The following RAB7A variants were observed in gnomAD, a reference collection of about 807,000 sequenced individuals.
The protein encoded by RAB7A is ras-related protein Rab-7a.
In RAB7A, 2 loss-of-function variants were observed where a neutral mutation model predicts 24.5. The observed-to-expected ratio is 0.08, with a 90% CI of 0.03 to 0.26. RAB7A has a LOEUF of 0.26. Among genes scored for constraint, RAB7A ranks in the 10% least tolerant of loss-of-function variants. The pLI is 1.00. For missense variants in RAB7A, 118 were observed against 255.7 expected, an observed-to-expected ratio of 0.46 and a Z score of 3.67; for synonymous variants, 100 against 95.9, an observed-to-expected ratio of 1.04 and a Z score of -0.25.
intron 1 of RAB7A, among the ~76,000 whole-genome samples, chr3:128,788,150 T>A (rs1311951721): frequency 6.6e-6 from 1 of 152,256 alleles, no homozygotes; most frequent in Non-Finnish European, 1.5e-5. Flanking sequence ...GTAGCTGTCT[T>A]GGTTATCACA....
chr3:128,777,524 T>C (rs1212285577), intron 1 of RAB7A, among the ~76,000 whole-genome samples: 3 of 152,200 alleles, frequency 2.0e-5, no homozygotes, highest in Non-Finnish European at 4.4e-5. Flanking sequence ...ATAAAACACA[T>C]GTGACTGCCT....
intron 1 of RAB7A, among the ~76,000 whole-genome samples, chr3:128,739,841 G>C (rs1049390733): frequency 1.3e-5 from 2 of 152,170 alleles, no homozygotes; most frequent in Non-Finnish European, 2.9e-5. Flanking sequence ...AGGCCAAGGC[G>C]GGTGGATCAC....
rs34916629 is a variant in RAB7A, at chr3:128,737,338, C to CT, written c.-9+10999dup. 6.3e-3 allele frequency among the ~76,000 whole-genome samples: 566 copies of CT among 90,052 alleles called. 11 individuals are homozygous for CT. Among genetic ancestry groups the CT allele is most frequent in the Middle Eastern group, 0.018 (2 of 114 alleles). The allele number at this position is 90,052 out of a possible 152,430, so 59.1% of individuals were successfully genotyped here. ...ACAGGCGTGAGCCACCGCTCCCGGC[C>CT]TTTTTTTTTTTTTTTTTTTTGAGAT... On this transcript the variant is annotated intron_variant, in intron 1 of 5. Coordinates refer to ENST00000265062, the MANE Select transcript of RAB7A (RefSeq NM_004637.6).
At chr3:128,756,990 C>T (rs557302866) in intron 1 of RAB7A, among the ~76,000 whole-genome samples, 25 of 152,060 alleles carry the variant, frequency 1.6e-4, no homozygotes, top group South Asian at 1.0e-3. Flanking sequence ...ACTACAGGCG[C>T]GCACCACCAC....
intron 1 of RAB7A, among the ~76,000 whole-genome samples, chr3:128,755,597 C>T (rs73198816): frequency 0.042 from 6,458 of 152,228 alleles, 182 homozygotes; most frequent in Non-Finnish European, 0.058. Flanking sequence ...TGACTAGGCC[C>T]GAGATGAGAA....
At position 128,807,676 on chromosome 3, in the gene RAB7A, G is replaced by C; in HGVS notation, c.528+5G>C. ...GCACGGAATGCACTTAAGCAGGTGG[G>C]TCTCCCACAGCTGACCAGCCCACTC... On this transcript the variant is annotated splice_donor_5th_base_variant and intron_variant, in intron 5 of 5. Coordinates refer to ENST00000265062, the MANE Select transcript of RAB7A (RefSeq NM_004637.6). 6.2e-7 allele frequency: 1 copy of C among 1,614,076 alleles called. No homozygotes were observed. The highest frequency in any genetic ancestry group is 8.5e-7 in the Non-Finnish European group (1 of 1,180,024).
intron 1 of RAB7A, among the ~76,000 whole-genome samples, chr3:128,743,977 C>T (rs562264901): frequency 2.0e-5 from 3 of 151,824 alleles, no homozygotes; most frequent in South Asian, 2.1e-4. Flanking sequence ...TTAGTAAAGA[C>T]GGGGTTTCAC....
chr3:128,766,849 T>C (rs972677574), intron 1 of RAB7A, among the ~76,000 whole-genome samples: 3 of 152,190 alleles, frequency 2.0e-5, no homozygotes, highest in African/African-American at 7.2e-5. Flanking sequence ...CTGGGTCATA[T>C]GTTTAACTCT....
At chr3:128,749,217 C>G (rs1009664372) in intron 1 of RAB7A, 1 of 152,316 alleles carries the variant, frequency 6.6e-6, no homozygotes, top group Non-Finnish European at 1.5e-5. Flanking sequence ...AGGATGTAGT[C>G]AAATAGCTCT....
At chr3:128,773,452 C>A (rs1273642920) in intron 1 of RAB7A, among the ~76,000 whole-genome samples, 1 of 144,304 alleles carries the variant, frequency 6.9e-6, no homozygotes, top group Non-Finnish European at 1.6e-5. Flanking sequence ...CGGCCAGCCG[C>A]CCCGTCCGGG....
At chr3:128,776,887 G>A (rs918776459) in intron 1 of RAB7A, among the ~76,000 whole-genome samples, 4 of 151,330 alleles carry the variant, frequency 2.6e-5, no homozygotes, top group African/African-American at 7.3e-5. Context: ...ATTCTAACGG[G>A]TGTGAGGTGG....
chr3:128,805,488 C>A (rs1433978052), intron 3 of RAB7A, among the ~76,000 whole-genome samples: 1 of 152,120 alleles, frequency 6.6e-6, no homozygotes, highest in African/African-American at 2.4e-5. Flanking sequence ...ATGAGGTGAC[C>A]AGCTTAGAGC....
chr3:128,814,590 A>T lies in RAB7A; in HGVS notation c.*1168A>T, dbSNP rs927527265. The T allele has an allele frequency of 6.6e-6, 1 of 152,484 alleles. No individual in the cohort carries two copies. The highest frequency in any genetic ancestry group is 1.5e-5 in the Non-Finnish European group (1 of 68,020). The allele number at this position is 152,484 out of a possible 1,614,324, so 9.4% of individuals were successfully genotyped here. A position where few individuals can be genotyped will look rare whatever the true frequency, so the allele number is the denominator to read the frequency against. Reference sequence around the variant, plus strand: ...GAGCTTTTTCCTCTTTTCCCCACCCATCTCCCCAATATTGCCCATTATTAA... The same window carrying T: ...GAGCTTTTTCCTCTTTTCCCCACCCTTCTCCCCAATATTGCCCATTATTAA... On this transcript the variant is annotated 3_prime_UTR_variant, in exon 6 of 6. Coordinates refer to ENST00000265062, the MANE Select transcript of RAB7A (RefSeq NM_004637.6).
intron 1 of RAB7A, among the ~76,000 whole-genome samples, chr3:128,768,005 C>G (rs1460120347): frequency 6.6e-6 from 1 of 152,098 alleles, no homozygotes; most frequent in East Asian, 1.9e-4. Flanking sequence ...GTGAAACCAT[C>G]ACCATAGTCA....
chr3:128,800,381 A>C (rs1387026039), intron 3 of RAB7A, among the ~76,000 whole-genome samples: 1 of 152,178 alleles, frequency 6.6e-6, no homozygotes, highest in African/African-American at 2.4e-5. Context: ...TTTGGTAGCC[A>C]TGTGGGCCAG....
chr3:128,739,983 T>C (rs754981288), intron 1 of RAB7A, among the ~76,000 whole-genome samples: 1 of 152,080 alleles, frequency 6.6e-6, no homozygotes, highest in Non-Finnish European at 1.5e-5. Flanking sequence ...GGAGAATTGC[T>C]TGAACCTGGT....
intron 5 of RAB7A, among the ~76,000 whole-genome samples, 155 bp from the exon 6 acceptor site, chr3:128,813,172 C>T (rs933459603): frequency 9.2e-5 from 14 of 152,226 alleles, no homozygotes; most frequent in African/African-American, 2.2e-4. Flanking sequence ...TCTGCCAGAG[C>T]GCTCCCTTAA....
intron 1 of RAB7A, among the ~76,000 whole-genome samples, chr3:128,741,272 A>G (rs1030075887): frequency 2.0e-5 from 3 of 152,108 alleles, no homozygotes; most frequent in African/African-American, 7.2e-5. Flanking sequence ...GGCTGATGGC[A>G]TGTTTTTGTA....
chr3:128,744,374 C>T (rs949949514), intron 1 of RAB7A, among the ~76,000 whole-genome samples: 1 of 152,214 alleles, frequency 6.6e-6, no homozygotes, highest in Admixed American at 6.5e-5. Flanking sequence ...AAGGCCCATA[C>T]CTGGGTCAGC....
Sources: gnomAD v4.1 joint callset for allele counts (sites outside exome capture counted in the v4.1 genomes callset) on GRCh38, gnomAD v4.1.1 for gene constraint, MANE v1.5 for transcripts, NCBI Gene and HGNC (gene_info 2026-07-23, HGNC 2026-07-21) for gene names.